EPG5: variants seen among roughly 807,000 people sequenced by gnomAD.
EPG5 encodes the protein ectopic P-granules 5 autophagy tethering factor.
EPG5 carries 159 observed loss-of-function variants against 302.7 expected under a neutral mutation model. The observed-to-expected ratio is 0.53, with a 90% confidence interval of 0.46 to 0.60. EPG5 has a LOEUF of 0.60. Among genes scored for constraint, EPG5 ranks in the 20% least tolerant of loss-of-function variants. The pLI, the probability that EPG5 is intolerant of heterozygous loss-of-function variation, is 0.00. For missense variants in EPG5, 2,896 were observed against 3,092.4 expected, an observed-to-expected ratio of 0.94 and a Z score of 1.51; for synonymous variants, 1,158 against 1,136.8, an observed-to-expected ratio of 1.02 and a Z score of -0.37.
intron 14 of EPG5, 36 bp downstream of exon 14, chr18:45,925,702 A>T: frequency 7.1e-7 from 1 of 1,411,740 alleles, no homozygotes; most frequent in Admixed American, 2.8e-5. Context: ...ATGCATGTAC[A>T]ACCTCCAGTC....
At chr18:45,803,610 A>G in the EPG5 span, among the ~76,000 whole-genome samples, 28,874 of 152,082 alleles carry the variant, frequency 0.19, 3,391 homozygotes, top group East Asian at 0.39. Flanking sequence ...AGAATCCTCA[A>G]AGGGAGAGAG....
At chr18:45,839,162 C>A in the EPG5 span, 3 of 1,338,758 alleles carry the variant, frequency 2.2e-6, no homozygotes, top group Non-Finnish European at 2.8e-6. Flanking sequence ...TTAGATAAGA[C>A]CACCTGGCTG....
chr18:45,864,143 G>A (rs910166425), intron 39 of EPG5, among the ~76,000 whole-genome samples: 1 of 151,940 alleles, frequency 6.6e-6, no homozygotes, highest in African/African-American at 2.4e-5. Flanking sequence ...TCACTATTTT[G>A]CCCAGACTGG....
chr18:45,960,660 A>G (rs1251943426), intron 1 of EPG5, among the ~76,000 whole-genome samples: 4 of 152,154 alleles, frequency 2.6e-5, no homozygotes, highest in Non-Finnish European at 5.9e-5. Flanking sequence ...GTATATGGGG[A>G]AAAAAACCTA....
intron 11 of EPG5, among the ~76,000 whole-genome samples, chr18:45,934,059 C>G (rs2050461576): frequency 6.6e-6 from 1 of 152,068 alleles, no homozygotes; most frequent in South Asian, 2.1e-4. Flanking sequence ...GAGGCCGAAG[C>G]AGGCAGATCA....
At chr18:45,916,397 A>C (rs2050033431) in intron 18 of EPG5, 41 bp downstream of exon 18, 2 of 1,592,970 alleles carry the variant, frequency 1.3e-6, no homozygotes, top group African/African-American at 2.7e-5. Context: ...TTGGTTGGGA[A>C]GACAGGCGGG....
Position 45,929,002 on chromosome 18 carries a change from T to A in EPG5, c.2420A>T (p.Tyr807Phe), listed in dbSNP as rs1436830345. Residue 807 changes from tyrosine (Y) to phenylalanine (F), a missense_variant, in exon 13 of 44, where the codon TAT (tyrosine) becomes TTT (phenylalanine). By Grantham distance (22) the Tyr-to-Phe change is conservative (BLOSUM62 3). This residue lies in a region of EPG5 where 1,390 missense variants were observed against 1,430.0 expected (regional missense o/e 0.97). Transcript: ENST00000282041. Reference sequence around the variant, plus strand: ...AGTCTCTCTGGTAGACAAGGTGACATAAGATACCTAAATGGGGGGAAGGGG... The same window carrying A: ...AGTCTCTCTGGTAGACAAGGTGACAAAAGATACCTAAATGGGGGGAAGGGG... ...IIVLEIYEVS[Y>F]VTLSTRETFS... The A allele has an allele frequency of 9.9e-6, 16 of 1,613,714 alleles. No individual in the cohort carries two copies. The East Asian group carries it at 3.3e-4, about 34-fold the overall frequency.
chr18:45,879,935 G>A (rs960842362), intron 32 of EPG5, 140 bp downstream of exon 32: 18 of 911,496 alleles, frequency 2.0e-5, no homozygotes, highest in South Asian at 1.5e-4. Context: ...AAGGGGACAC[G>A]AGGGAACCAA....
At position 45,939,760 on chromosome 18, in the gene EPG5, G is replaced by A; in HGVS notation, c.1944-5C>T. The stretch of plus-strand genomic sequence containing the variant: ...CTTACATAACCAAGAGTCATCCTGA[G>A]CATGAGGAAAGATAATACAGTACTT... On this transcript the variant is annotated splice_polypyrimidine_tract_variant and splice_region_variant and intron_variant, in intron 9 of 43. Transcript: ENST00000282041. 1.9e-6 allele frequency: 3 copies of A among 1,612,654 alleles called. No individual in the cohort carries two copies. The highest frequency in any genetic ancestry group is 2.5e-6 in the Non-Finnish European group (3 of 1,179,580).
chr18:45,959,579 G>A (rs2051103634), intron 1 of EPG5, among the ~76,000 whole-genome samples: 1 of 151,906 alleles, frequency 6.6e-6, no homozygotes, highest in East Asian at 1.9e-4. Flanking sequence ...CTGGGAGGCG[G>A]AGGTTGCAGT....
intron 7 of EPG5, among the ~76,000 whole-genome samples, chr18:45,946,071 GC>G (rs2050779736): frequency 6.6e-6 from 1 of 152,188 alleles, no homozygotes; most frequent in African/African-American, 2.4e-5. Context: ...GAACAGAACT[GC>G]TTACAAATCT....
intron 24 of EPG5, among the ~76,000 whole-genome samples, chr18:45,906,839 A>G (rs927119860): frequency 1.3e-5 from 2 of 152,080 alleles, no homozygotes; most frequent in African/African-American, 4.8e-5. Context: ...ATTTTTTAGT[A>G]GAGATGGGGT....
At chr18:45,839,121 C>A in the EPG5 span, 12 of 1,361,726 alleles carry the variant, frequency 8.8e-6, no homozygotes, top group Non-Finnish European at 1.1e-5. Flanking sequence ...ACACGGGTGG[C>A]CGCGAGGGGC....
At chr18:45,883,478 T>TTTC (rs1555667565) in intron 30 of EPG5, among the ~76,000 whole-genome samples, 1 of 149,340 alleles carries the variant, frequency 6.7e-6, no homozygotes, top group African/African-American at 2.5e-5. Flanking sequence ...TTTTTTTTTT[T>TTTC]CACAACAGGT....
In EPG5 at chr18:45,855,604, G is replaced by A. The variant is rs1447140985; in HGVS notation, c.7526C>T (p.Ser2509Phe). The A allele has an allele frequency of 1.9e-6, 3 of 1,614,008 alleles. No homozygotes were observed. The East Asian group carries it at 6.7e-5, about 36-fold the overall frequency. Reference protein sequence around the residue: ...MEDQIRLRPGSELHLTPKAQQ... With the variant: ...MEDQIRLRPGFELHLTPKAQQ... ...AGCTTTGGGGGTCAGATGTAATTCA[G>A]AGCCAGGCCTCAAACGGATCTGATC... is the stretch of plus-strand genomic sequence containing the variant. Residue 2509 changes from serine to phenylalanine, a missense_variant, in exon 43 of 44, where the codon TCT becomes TTT. Around this residue, in one of 5 missense-constraint regions of EPG5, gnomAD observed 620 missense variants for 704.2 expected, o/e 0.88. Transcript: ENST00000282041.
At chr18:45,842,054 T>C in the EPG5 span, 4 of 1,565,042 alleles carry the variant, frequency 2.6e-6, no homozygotes, top group East Asian at 6.7e-5. Context: ...GTTTGGGCAG[T>C]TGTGGACCTC....
At chr18:45,846,800 T>C (rs1212932955), downstream of EPG5, among the ~76,000 whole-genome samples, 1 of 152,234 alleles carries the variant, frequency 6.6e-6, no homozygotes. Flanking sequence ...CGAGGGCTGC[T>C]GGTTGCCCTT....
chr18:45,899,226 T>C (rs920566326), intron 27 of EPG5, among the ~76,000 whole-genome samples, 178 bp downstream of exon 27: 1 of 152,216 alleles, frequency 6.6e-6, no homozygotes, highest in Admixed American at 6.5e-5. Flanking sequence ...ATAGGACTCA[T>C]CTGGTACCTA....
intron 39 of EPG5, among the ~76,000 whole-genome samples, chr18:45,864,482 TAATAAA>T (rs2048702887): frequency 6.6e-6 from 1 of 152,242 alleles, no homozygotes; most frequent in South Asian, 2.1e-4. Flanking sequence ...TTTCAGCATA[TAATAAA>T]AATAACTTTT....
Sources: allele counts gnomAD v4.1 joint callset (sites outside exome capture counted in the v4.1 genomes callset), GRCh38; gene constraint gnomAD v4.1.1; regional missense constraint gnomAD v4.1.1; transcripts MANE v1.5; gene names NCBI Gene and HGNC (gene_info 2026-07-23, HGNC 2026-07-21).